A2M: variants seen among roughly 807,000 people sequenced by gnomAD.
The protein encoded by A2M is C3 and PZP-like alpha-2-macroglobulin domain-containing protein 5.
In A2M, 128 loss-of-function variants were observed where a neutral mutation model predicts 183.9. The ratio of observed to expected loss-of-function variants is 0.70; its 90% confidence interval spans 0.60 to 0.81. A2M has a LOEUF of 0.81. Among genes scored for constraint, A2M ranks in the 30% least tolerant of loss-of-function variants. The pLI is 0.00. For synonymous variants in A2M, 592 were observed against 670.8 expected (o/e 0.88, Z 1.81); for missense variants, 1,495 against 1,787.6 (o/e 0.84, Z 2.95).
At chr12:9,074,884 T>G in intron 28 of A2M, 101 bp from the exon 29 acceptor site, 1 of 1,211,844 alleles carries the variant, frequency 8.3e-7, no homozygotes, top group Non-Finnish European at 1.2e-6. Context: ...TGCATGCCCA[T>G]TATAATCCCC....
At chr12:9,094,571 A>C (rs1469190984) in intron 17 of A2M, among the ~76,000 whole-genome samples, 1 of 151,934 alleles carries the variant, frequency 6.6e-6, no homozygotes, top group African/African-American at 2.4e-5. Flanking sequence ...ACAATATGGG[A>C]CTATAAATAA....
At position 9,094,999 on chromosome 12, in the gene A2M, G is replaced by A; in HGVS notation, c.2099C>T (p.Pro700Leu). 1 of 1,582,942 alleles carries A rather than the reference G, an allele frequency of 6.3e-7. No homozygotes were observed. Among genetic ancestry groups the A allele is most frequent in the Non-Finnish European group, 8.6e-7 (1 of 1,163,304 alleles). ...ATAAAAACCTACACGTAGACCTTCA[G>A]GTCCATGCATTTCATACTGTTGAAG... ...PQLQQYEMHG[P>L]EGLRVGFYES... Residue 700 changes from proline (P) to leucine (L), a missense_variant, in exon 17 of 36, where the codon CCT (proline) becomes CTT (leucine). Physicochemically the swap from Pro to Leu is moderately conservative, Grantham distance 98. Transcript: ENST00000318602.
chr12:9,112,545 C>G lies in A2M; in HGVS notation c.271-9G>C. 1 of 1,613,302 alleles carries G rather than the reference C, an allele frequency of 6.2e-7. No homozygotes were observed. Among genetic ancestry groups the G allele is most frequent in the Middle Eastern group, 1.7e-4 (1 of 5,920 alleles). The stretch of plus-strand genomic sequence containing the variant: ...GATGAAGACTTTGGGACCTGAAATA[C>G]AGGACCGATCCTGAAACCCCATTCA... On this transcript the variant is annotated splice_polypyrimidine_tract_variant and intron_variant, in intron 2 of 35. Coordinates refer to ENST00000318602, the MANE Select transcript of A2M (RefSeq NM_000014.6).
At chr12:9,076,032 C>A (rs1948738990) in intron 28 of A2M, among the ~76,000 whole-genome samples, 1 of 152,108 alleles carries the variant, frequency 6.6e-6, no homozygotes, top group African/African-American at 2.4e-5. Context: ...ATTTCTTCAA[C>A]CGCTCATATA....
intron 18 of A2M, among the ~76,000 whole-genome samples, chr12:9,091,876 GA>G (rs1949224783): frequency 6.6e-6 from 1 of 152,136 alleles, no homozygotes; most frequent in African/African-American, 2.4e-5. Flanking sequence ...CCATTTTCTG[GA>G]AATCTTAGAA....
At chr12:9,071,747 T>A (rs183772725) in intron 31 of A2M, among the ~76,000 whole-genome samples, 2 of 152,306 alleles carry the variant, frequency 1.3e-5, no homozygotes, top group East Asian at 3.9e-4. Flanking sequence ...TCCATCTCCA[T>A]CCATGTTCCT....
chr12:9,106,602 T>C lies in A2M; in HGVS notation c.883A>G (p.Asn295Asp), dbSNP rs1330569448. 1 of 1,535,750 alleles carries C rather than the reference T, an allele frequency of 6.5e-7. No individual in the cohort carries two copies. The highest frequency in any genetic ancestry group is 2.3e-5 in the East Asian group (1 of 43,272). The change falls in exon 9 of 36, where the codon AAC (asparagine) becomes GAC (aspartate). Residue 295 changes from asparagine to aspartate, a missense_variant. Coordinates refer to ENST00000318602, the MANE Select transcript of A2M (RefSeq NM_000014.6). Reference protein sequence around the residue: ...AFCEKFSGQLNSHGCFYQQVK... With the variant: ...AFCEKFSGQLDSHGCFYQQVK... ...TGCTGATAGAAGCAGCCATGGCTGTTTAGCTAAGAAGGGAGAAAATAAAAT... is the reference window on the plus strand; with the variant it reads ...TGCTGATAGAAGCAGCCATGGCTGTCTAGCTAAGAAGGGAGAAAATAAAAT...
chr12:9,072,543 C>A, intron 30 of A2M, 57 bp from the exon 31 acceptor site: 1 of 1,599,874 alleles, frequency 6.3e-7, no homozygotes, highest in Non-Finnish European at 8.5e-7. Flanking sequence ...TTCCTGTCCA[C>A]GTCCCTAACC....
chr12:9,110,295 A>G lies in A2M; in HGVS notation c.504+19T>C, dbSNP rs1470511691. On this transcript the variant is annotated intron_variant, in intron 5 of 35. Transcript: ENST00000318602. Reference sequence around the variant, plus strand: ...ATGTATTGCTTTCCTTTTAATATGGAATGTTTCATGTTGCTTACCTGAATG... The same window carrying G: ...ATGTATTGCTTTCCTTTTAATATGGGATGTTTCATGTTGCTTACCTGAATG... 1.4e-6 allele frequency: 2 copies of G among 1,464,488 alleles called. No individual in the cohort carries two copies. The highest frequency in any genetic ancestry group is 1.9e-6 in the Non-Finnish European group (2 of 1,079,146). 90.7% of individuals were successfully genotyped at this position (1,464,488 alleles called of 1,614,324 possible). A position where few individuals can be genotyped will look rare whatever the true frequency, so the allele number is the denominator to read the frequency against.
intron 4 of A2M, 47 bp from the exon 5 acceptor site, chr12:9,110,381 C>T: frequency 8.2e-7 from 1 of 1,220,010 alleles, no homozygotes; most frequent in Admixed American, 2.7e-5. Flanking sequence ...TTCAAATATT[C>T]TTAAATCTCA....
Position 9,069,949 on chromosome 12 carries a change from T to C in A2M, c.4195-136A>G, listed in dbSNP as rs1288578354. The C allele has an allele frequency of 5.8e-6, 4 of 688,400 alleles. No homozygotes were observed. The East Asian group carries it at 7.8e-5, about 14-fold the overall frequency. 42.6% of individuals were successfully genotyped at this position (688,400 alleles called of 1,614,324 possible). On this transcript the variant is annotated intron_variant, in intron 32 of 35. Coordinates refer to ENST00000318602, the MANE Select transcript of A2M (RefSeq NM_000014.6). ...ATGCTTTTTGTAAGGAAATATATAA[T>C]GTAATACAATTAAAAATGAAAGGCA...
intron 22 of A2M, among the ~76,000 whole-genome samples, chr12:9,084,825 G>A (rs1949007862): frequency 6.6e-6 from 1 of 152,034 alleles, no homozygotes; most frequent in Non-Finnish European, 1.5e-5. Flanking sequence ...TGAAAGTGAA[G>A]AGAAGGAAAA....
At chr12:9,088,381 A>G (rs1949110283) in intron 22 of A2M, among the ~76,000 whole-genome samples, 1 of 152,194 alleles carries the variant, frequency 6.6e-6, no homozygotes, top group Admixed American at 6.5e-5. Flanking sequence ...AGATACATCA[A>G]AATGAGTAAC....
intron 22 of A2M, among the ~76,000 whole-genome samples, chr12:9,086,971 G>A (rs895455524): frequency 7.2e-5 from 11 of 152,098 alleles, no homozygotes; most frequent in African/African-American, 2.7e-4. Flanking sequence ...ATAAAAATCA[G>A]TAGTATTTTC....
intron 4 of A2M, among the ~76,000 whole-genome samples, chr12:9,110,952 C>T: frequency 6.6e-6 from 1 of 152,060 alleles, no homozygotes; most frequent in East Asian, 1.9e-4. Context: ...GAAGATCAAT[C>T]CTTTGCTATG....
chr12:9,101,731 T>G, intron 11 of A2M, 57 bp from the exon 12 acceptor site: 1 of 1,376,570 alleles, frequency 7.3e-7, no homozygotes. Context: ...AGATTAATGT[T>G]CTCACAAAAC....
chr12:9,072,932 T>C (rs949741296), intron 29 of A2M, 61 bp from the exon 30 acceptor site: 1 of 1,416,870 alleles, frequency 7.1e-7, no homozygotes, highest in East Asian at 2.4e-5. Flanking sequence ...AGGGCTGAGA[T>C]ATTTTTCAAA....
chr12:9,104,577 G>A (rs527650354), intron 10 of A2M, among the ~76,000 whole-genome samples, 177 bp from the exon 11 acceptor site: 31 of 151,980 alleles, frequency 2.0e-4, no homozygotes, highest in Non-Finnish European at 3.7e-4. Flanking sequence ...TCTAGTGAAA[G>A]AGATAGATGC....
At chr12:9,084,044 G>A (rs1010525507) in intron 22 of A2M, among the ~76,000 whole-genome samples, 2 of 152,032 alleles carry the variant, frequency 1.3e-5, no homozygotes, top group East Asian at 3.9e-4. Flanking sequence ...AGTACTGAAG[G>A]AAAACAAAAA....
Sources: gnomAD v4.1 joint callset for allele counts (sites outside exome capture counted in the v4.1 genomes callset) on GRCh38, gnomAD v4.1.1 for gene constraint, MANE v1.5 for transcripts, NCBI Gene and HGNC (gene_info 2026-07-23, HGNC 2026-07-21) for gene names.